EEF1E1: variants seen among roughly 807,000 people sequenced by gnomAD.
EEF1E1 encodes the protein eukaryotic translation elongation factor 1 epsilon-1.
A neutral mutation model predicts 19.9 loss-of-function variants in EEF1E1; 19 were observed. That is an observed-to-expected ratio of 0.95 (90% CI 0.66 to 1.40). EEF1E1 has a LOEUF of 1.40. EEF1E1 is among the 40% of genes most tolerant of loss of function. The pLI is 0.00. For missense variants in EEF1E1, 198 were observed against 202.2 expected, an observed-to-expected ratio of 0.98 and a Z score of 0.13; for synonymous variants, 81 against 80.0, an observed-to-expected ratio of 1.01 and a Z score of -0.07.
intron 3 of EEF1E1, among the ~76,000 whole-genome samples, chr6:8,083,458 G>T (rs1217115887): frequency 6.6e-6 from 1 of 152,196 alleles, no homozygotes; most frequent in African/African-American, 2.4e-5. Context: ...ATAATCTTGA[G>T]TAACAGTCTG....
intron 3 of EEF1E1, among the ~76,000 whole-genome samples, chr6:8,080,992 C>G (rs530139662): frequency 6.6e-6 from 1 of 152,356 alleles, no homozygotes; most frequent in South Asian, 2.1e-4. Flanking sequence ...GACAAGCATT[C>G]TGCTAAGTTA....
intron 1 of EEF1E1, among the ~76,000 whole-genome samples, chr6:8,099,770 ACACACACACACACAC>A (rs1189688874): frequency 9.8e-5 from 12 of 122,284 alleles, no homozygotes; most frequent in African/African-American, 3.5e-4. Context: ...ACACACACAC[ACACACACACACACAC>A]ACACACAAAA....
chr6:8,097,149 T>C, intron 2 of EEF1E1, 118 bp downstream of exon 2: 1 of 986,838 alleles, frequency 1.0e-6, no homozygotes, highest in Non-Finnish European at 1.6e-6. Context: ...AGATGCAAAC[T>C]ACTGAGGCAG....
At position 8,097,339 on chromosome 6, in the gene EEF1E1, C is replaced by T. The variant is rs138799469; in HGVS notation, c.216G>A (p.Gln72=). Residue 72 remains glutamine, a synonymous_variant, in exon 2 of 4, where the codon CAG becomes CAA. Coordinates refer to ENST00000379715, the MANE Select transcript of EEF1E1 (RefSeq NM_004280.5). ...GAGTGACCCTGTATTCTAACCACTG[C>T]TGAACGATTGCTTTTTCTTCTGCAG... The part of the protein sequence containing the change: ...GSTAEEKAIV[Q]QWLEYRVTQV... The T allele has an allele frequency of 2.2e-5, 36 of 1,614,066 alleles. No individual in the cohort carries two copies. The highest frequency in any genetic ancestry group is 3.0e-5 in the Non-Finnish European group (35 of 1,180,038).
chr6:8,083,865 A>G (rs930700538), intron 3 of EEF1E1, among the ~76,000 whole-genome samples: 1 of 152,130 alleles, frequency 6.6e-6, no homozygotes, highest in African/African-American at 2.4e-5. Context: ...CACCCACCCT[A>G]CCTTAACACC....
chr6:8,101,243 AATATATAT>A lies in EEF1E1; in HGVS notation c.87+1184_87+1191del, dbSNP rs1216617377. Among the ~76,000 whole-genome samples the A allele has an allele frequency of 1.8e-3, 105 of 58,312 alleles. 1 individual carries two copies. The highest frequency in any genetic ancestry group is 2.3e-3 in the African/African-American group (29 of 12,674). The allele number at this position is 58,312 out of a possible 152,430, so 38.3% of individuals were successfully genotyped here. ...TTTGTCTCAAAAAAAAAAAAAAAAAAATATATATATATATATATATATATATATATATA... is the reference window on the plus strand; with the variant it reads ...TTTGTCTCAAAAAAAAAAAAAAAAAAATATATATATATATATATATATATA... On this transcript the variant is annotated intron_variant, in intron 1 of 3. Coordinates refer to ENST00000379715, the MANE Select transcript of EEF1E1 (RefSeq NM_004280.5).
downstream of EEF1E1, chr6:8,078,686 C>T: frequency 7.8e-7 from 1 of 1,286,082 alleles, no homozygotes; most frequent in Non-Finnish European, 1.0e-6. Context: ...CAGAGACAAA[C>T]ATGGGGGCCT....
chr6:8,089,616 T>C (rs1391992568), intron 3 of EEF1E1, among the ~76,000 whole-genome samples: 1 of 152,234 alleles, frequency 6.6e-6, no homozygotes, highest in African/African-American at 2.4e-5. Flanking sequence ...AGGTTGGGTC[T>C]GCCTTCCCCA....
chr6:8,096,812 G>C (rs1357400127), intron 2 of EEF1E1, among the ~76,000 whole-genome samples: 2 of 151,986 alleles, frequency 1.3e-5, no homozygotes, highest in African/African-American at 4.8e-5. Flanking sequence ...AACAGGGAAA[G>C]GTGAGCTTTC....
chr6:8,098,484 A>G (rs893728790), intron 1 of EEF1E1, among the ~76,000 whole-genome samples: 2 of 152,184 alleles, frequency 1.3e-5, no homozygotes, highest in Admixed American at 6.5e-5. Flanking sequence ...CTACATCAAC[A>G]CGACTTGGTG....
intron 2 of EEF1E1, among the ~76,000 whole-genome samples, chr6:8,093,693 T>C (rs1758085380): frequency 6.6e-6 from 1 of 151,642 alleles, no homozygotes; most frequent in Non-Finnish European, 1.5e-5. Flanking sequence ...TACAGCCCAG[T>C]ACAAACACAG....
downstream of EEF1E1, among the ~76,000 whole-genome samples, chr6:8,076,486 G>A (rs1220998342): frequency 6.6e-6 from 1 of 151,906 alleles, no homozygotes; most frequent in Admixed American, 6.6e-5. Context: ...ACCACGCCCG[G>A]CTAATTTTTT....
At chr6:8,088,939 C>T (rs1308987866) in intron 3 of EEF1E1, among the ~76,000 whole-genome samples, 1 of 142,898 alleles carries the variant, frequency 7.0e-6, no homozygotes, top group East Asian at 1.9e-4. Flanking sequence ...GGAAGTATCC[C>T]TGGGAGAAAA....
At chr6:8,090,486 A>T (rs924960447) in intron 2 of EEF1E1, among the ~76,000 whole-genome samples, 2 of 152,198 alleles carry the variant, frequency 1.3e-5, no homozygotes, top group African/African-American at 4.8e-5. Flanking sequence ...AAACATTACT[A>T]GTCTTAAATA....
exon 4 of EEF1E1, chr6:8,073,425 T>A (rs9505354): frequency 1.1e-5 from 17 of 1,550,276 alleles, no homozygotes; most frequent in Non-Finnish European, 1.4e-5. Flanking sequence ...AGCCAGACAT[T>A]TGTGTTTGAA....
In EEF1E1 at chr6:8,085,890, A is replaced by G. The variant is rs538874565; in HGVS notation, c.384+4296T>C. Among the ~76,000 whole-genome samples, 271 of 152,310 alleles carry G rather than the reference A, an allele frequency of 1.8e-3. 3 individuals are homozygous for G. Among genetic ancestry groups the G allele is most frequent in the African/African-American group, 6.3e-3 (260 of 41,566 alleles). The stretch of plus-strand genomic sequence containing the variant: ...CACTGGATTCCATTTTCTCTACTTC[A>G]TTAATTGCTTTCATGTAAAACAGTC... On this transcript the variant is annotated intron_variant, in intron 3 of 3. Coordinates refer to ENST00000379715, the MANE Select transcript of EEF1E1 (RefSeq NM_004280.5).
At chr6:8,096,358 G>T (rs926302075) in intron 2 of EEF1E1, among the ~76,000 whole-genome samples, 1 of 152,154 alleles carries the variant, frequency 6.6e-6, no homozygotes, top group Non-Finnish European at 1.5e-5. Flanking sequence ...ACAAGAGAAG[G>T]GTCCCTGTGA....
chr6:8,084,927 T>C (rs962445019), intron 3 of EEF1E1, among the ~76,000 whole-genome samples: 1 of 152,220 alleles, frequency 6.6e-6, no homozygotes, highest in Admixed American at 6.5e-5. Context: ...AGGCTTTTTT[T>C]GTTTTGAAAT....
intron 1 of EEF1E1, chr6:8,101,663 T>C (rs1758368002): frequency 3.0e-6 from 3 of 994,938 alleles, no homozygotes; most frequent in African/African-American, 1.7e-5. Flanking sequence ...ATATCCAAAG[T>C]AGTCTTCCTA....
Sources: gnomAD v4.1 joint callset for allele counts (sites outside exome capture counted in the v4.1 genomes callset) on GRCh38, gnomAD v4.1.1 for gene constraint, MANE v1.5 for transcripts, NCBI Gene and HGNC (gene_info 2026-07-23, HGNC 2026-07-21) for gene names.